The following XRRA1 variants were observed in gnomAD, a reference collection of about 807,000 sequenced individuals.
XRRA1 encodes the protein X-ray radiation resistance-associated protein 1.
In XRRA1, 69 loss-of-function variants were observed where a neutral mutation model predicts 80.2. The observed-to-expected ratio is 0.86, with a 90% CI of 0.71 to 1.05. The LOEUF (loss-of-function observed/expected upper bound fraction) is 1.05. Ranked by LOEUF, XRRA1 falls within the 50% of genes least tolerant of loss-of-function variation. The pLI, the probability that XRRA1 is intolerant of heterozygous loss-of-function variation, is 0.00. For synonymous variants in XRRA1, 348 were observed against 389.9 expected (o/e 0.89, Z 1.27); for missense variants, 967 against 976.4 (o/e 0.99, Z 0.13).
chr11:74,894,874 G>A (rs928648055), intron 10 of XRRA1, among the ~76,000 whole-genome samples: 2 of 152,162 alleles, frequency 1.3e-5, no homozygotes, highest in African/African-American at 4.8e-5. Context: ...ACTGTCCAGG[G>A]ATATGAAATA....
In XRRA1 at chr11:74,842,045, T is replaced by G. The variant is rs905362220; in HGVS notation, c.*1155A>C. On this transcript the variant is annotated 3_prime_UTR_variant, in exon 19 of 19. Transcript: ENST00000684022. ...AACCTGATACACTGTTTGTTTACTC[T>G]CAACTCTTTGTACAAATATTATTGT... 6.6e-6 allele frequency: 1 copy of G among 152,124 alleles called. No individual in the cohort carries two copies. The highest frequency in any genetic ancestry group is 6.5e-5 in the Admixed American group (1 of 15,280). 9.4% of individuals were successfully genotyped at this position (152,124 alleles called of 1,614,324 possible). A position where few individuals can be genotyped will look rare whatever the true frequency, so the allele number is the denominator to read the frequency against.
intron 10 of XRRA1, among the ~76,000 whole-genome samples, chr11:74,885,751 C>G (rs958686824): frequency 6.6e-6 from 1 of 151,962 alleles, no homozygotes; most frequent in African/African-American, 2.4e-5. Context: ...CCACCAGAGA[C>G]ACAACAACAA....
chr11:74,892,753 A>G (rs1170610265), intron 10 of XRRA1, among the ~76,000 whole-genome samples: 12 of 152,326 alleles, frequency 7.9e-5, no homozygotes, highest in Non-Finnish European at 1.6e-4. Flanking sequence ...AAGGATATGA[A>G]CAGACACTTC....
At chr11:74,943,524 GGTGTGTGTGTGTGTGTGTGTGTGTGTGT>G (rs67590742) in intron 2 of XRRA1, among the ~76,000 whole-genome samples, 4 of 137,854 alleles carry the variant, frequency 2.9e-5, no homozygotes, top group African/African-American at 1.1e-4. Flanking sequence ...AGAGTAGGAG[GGTGTGTGTGTGTGTGTGTGTGTGTGTGT>G]GTGTGTGTGT....
In XRRA1 at chr11:74,908,049, C is replaced by T. The variant is rs574035195; in HGVS notation, c.657-776G>A. On this transcript the variant is annotated intron_variant, in intron 8 of 18. Coordinates refer to ENST00000684022, the MANE Select transcript of XRRA1 (RefSeq NM_001378157.1). ...ACACAAATAACGTTTTCATTCTTCC[C>T]TCCATACTGTATGCCACCCACACAC... Among the ~76,000 whole-genome samples the T allele has an allele frequency of 5.3e-5, 8 of 152,190 alleles. No individual in the cohort carries two copies. The East Asian group carries it at 1.5e-3, about 29-fold the overall frequency.
At chr11:74,891,000 C>A (rs2050529143) in intron 10 of XRRA1, among the ~76,000 whole-genome samples, 1 of 152,180 alleles carries the variant, frequency 6.6e-6, no homozygotes, top group South Asian at 2.1e-4. Context: ...ACCATTCCTT[C>A]TGAAACTATT....
At chr11:74,847,446 A>G (rs2038576756) in intron 15 of XRRA1, among the ~76,000 whole-genome samples, 1 of 152,100 alleles carries the variant, frequency 6.6e-6, no homozygotes, top group Admixed American at 6.5e-5. Context: ...CTGACACTAA[A>G]CATTTGTGGT....
At chr11:74,893,602 AG>A (rs2051403455) in intron 10 of XRRA1, among the ~76,000 whole-genome samples, 1 of 152,096 alleles carries the variant, frequency 6.6e-6, no homozygotes, top group African/African-American at 2.4e-5. Context: ...GAAAAAAAAA[AG>A]GAGACATACA....
intron 6 of XRRA1, among the ~76,000 whole-genome samples, chr11:74,928,923 G>A (rs940087868): frequency 3.9e-5 from 6 of 151,976 alleles, no homozygotes; most frequent in African/African-American, 1.5e-4. Context: ...CCCTACCAAT[G>A]CTGGCTGTCA....
rs769424210 is a variant in XRRA1, at chr11:74,921,228, C to G, written c.642G>C (p.Leu214Phe). ...GNGLTSLPPNLAVAEQEASVT... is the reference protein window; with the variant it reads ...GNGLTSLPPNFAVAEQEASVT... Reference sequence around the variant, plus strand: ...GTAGAACTTACTGTTCTGCGACGGCCAAATTGGGCGGCAGGGAGGTAAGGC... The same window carrying G: ...GTAGAACTTACTGTTCTGCGACGGCGAAATTGGGCGGCAGGGAGGTAAGGC... The change falls in exon 8 of 19, where the codon TTG (leucine) becomes TTC (phenylalanine). Residue 214 changes from leucine to phenylalanine, a missense_variant. Physicochemically the swap from Leu to Phe is conservative, Grantham distance 22. Coordinates refer to ENST00000684022, the MANE Select transcript of XRRA1 (RefSeq NM_001378157.1). 26 of 1,613,666 alleles carry G rather than the reference C, an allele frequency of 1.6e-5. No individual in the cohort carries two copies. In the Admixed American group the frequency reaches 4.0e-4, roughly 25 times the overall value.
intron 12 of XRRA1, among the ~76,000 whole-genome samples, chr11:74,857,350 A>C (rs1734943113): frequency 6.6e-6 from 1 of 151,660 alleles, no homozygotes; most frequent in Non-Finnish European, 1.5e-5. Context: ...AAACAAAATA[A>C]GACATCAAGA....
intron 15 of XRRA1, among the ~76,000 whole-genome samples, chr11:74,847,264 A>G (rs931060946): frequency 2.6e-5 from 4 of 152,236 alleles, no homozygotes; most frequent in Non-Finnish European, 2.9e-5. Flanking sequence ...TTAGACCTCC[A>G]TGAATGGATA....
chr11:74,872,924 A>G (rs2045189518), intron 10 of XRRA1, among the ~76,000 whole-genome samples: 1 of 151,840 alleles, frequency 6.6e-6, no homozygotes, highest in African/African-American at 2.4e-5. Flanking sequence ...ATTTTTCTCA[A>G]CCCCTTAGTT....
chr11:74,883,483 A>C (rs1361728946), intron 10 of XRRA1, among the ~76,000 whole-genome samples: 2 of 152,074 alleles, frequency 1.3e-5, no homozygotes, highest in Non-Finnish European at 2.9e-5. Flanking sequence ...TGTGTCGCTC[A>C]CGCTGGGAGC....
At chr11:74,896,994 G>A (rs1161264462) in intron 10 of XRRA1, among the ~76,000 whole-genome samples, 23 of 152,000 alleles carry the variant, frequency 1.5e-4, no homozygotes, top group Non-Finnish European at 5.9e-5. Context: ...ACATGATCCA[G>A]GAAAACATGA....
intron 14 of XRRA1, among the ~76,000 whole-genome samples, chr11:74,850,461 G>T (rs188962632): frequency 7.3e-4 from 111 of 152,308 alleles, no homozygotes; most frequent in African/African-American, 2.6e-3. Context: ...GGCTGCAGAG[G>T]GGGTGGCAAG....
chr11:74,868,328 G>A (rs1219059855), intron 10 of XRRA1, among the ~76,000 whole-genome samples: 3 of 152,170 alleles, frequency 2.0e-5, no homozygotes, highest in African/African-American at 7.2e-5. Context: ...AATGCTAAGG[G>A]ATTTCATTAC....
chr11:74,869,985 T>C (rs1334362473), intron 10 of XRRA1, among the ~76,000 whole-genome samples: 3 of 152,174 alleles, frequency 2.0e-5, no homozygotes, highest in African/African-American at 2.4e-5. Flanking sequence ...GGCCACTTCA[T>C]TGTGGGGCCC....
chr11:74,875,042 G>A (rs2045740392), intron 10 of XRRA1, among the ~76,000 whole-genome samples: 1 of 152,204 alleles, frequency 6.6e-6, no homozygotes, highest in Non-Finnish European at 1.5e-5. Flanking sequence ...CAGAATCCAA[G>A]TATGCTTTCT....
Sources: allele counts gnomAD v4.1 joint callset (sites outside exome capture counted in the v4.1 genomes callset), GRCh38; gene constraint gnomAD v4.1.1; transcripts MANE v1.5; gene names NCBI Gene and HGNC (gene_info 2026-07-23, HGNC 2026-07-21).